ANXA9: variants seen among roughly 807,000 people sequenced by gnomAD.
The protein encoded by ANXA9 is annexin A9, also known as annexin 31.
Under a neutral mutation model 51.8 loss-of-function variants are expected in ANXA9, and 47 were observed. The observed-to-expected ratio is 0.91, with a 90% CI of 0.72 to 1.16. The LOEUF (loss-of-function observed/expected upper bound fraction) is 1.16, where lower values mean the gene tolerates loss of function less well. Among genes scored for constraint, ANXA9 ranks in the 50% most tolerant of loss-of-function variants. The pLI, the probability that ANXA9 is intolerant of heterozygous loss-of-function variation, is 0.00. For synonymous variants in ANXA9, 154 were observed against 168.7 expected, an observed-to-expected ratio of 0.91 and a Z score of 0.68; for missense variants, 361 against 424.7, an observed-to-expected ratio of 0.85 and a Z score of 1.32.
intron 7 of ANXA9, among the ~76,000 whole-genome samples, chr1:150,985,026 ATGG>A (rs1244884698): frequency 6.6e-6 from 1 of 152,012 alleles, no homozygotes; most frequent in African/African-American, 2.4e-5. Context: ...CCAGCTGGTC[ATGG>A]TGGTGTGCGC....
rs1357365660 is a variant in ANXA9 at position 150,983,366 on chromosome 1, T to G, written c.104T>G (p.Leu35Arg). The change falls in exon 4 of 14, where the codon CTC (leucine) becomes CGC (arginine). Residue 35 changes from leucine (L) to arginine (R), a missense_variant. Leu to Arg is a moderately radical substitution (Grantham distance 102, BLOSUM62 -2). Coordinates refer to ENST00000368947, the MANE Select transcript of ANXA9 (RefSeq NM_003568.3). ...GCAGCGTGGGGGACCCTGGGCACCC[T>G]CAGGACCTTCTTGAACTTCAGCGTG... is the stretch of plus-strand genomic sequence containing the variant. The part of the protein sequence containing the change: ...KTAAWGTLGT[L>R]RTFLNFSVDK... 1.2e-6 allele frequency: 2 copies of G among 1,614,092 alleles called. No individual in the cohort carries two copies. Among genetic ancestry groups the G allele is most frequent in the Non-Finnish European group, 1.7e-6 (2 of 1,179,976 alleles).
chr1:150,982,757 C>A lies in ANXA9; in HGVS notation c.-17+174C>A, dbSNP rs115762264. ...CAGGCCCAGGAAGGAGGGCCATAGA[C>A]CTCAGAAGGGAGGCATCTACCGCGG... is the stretch of plus-strand genomic sequence containing the variant. On this transcript the variant is annotated intron_variant, in intron 2 of 13. Coordinates refer to ENST00000368947, the MANE Select transcript of ANXA9 (RefSeq NM_003568.3). Among the ~76,000 whole-genome samples, 612 of 152,264 alleles carry A rather than the reference C, an allele frequency of 4.0e-3. 1 individual carries two copies. Among genetic ancestry groups the A allele is most frequent in the African/African-American group, 0.013 (552 of 41,562 alleles).
intron 12 of ANXA9, among the ~76,000 whole-genome samples, chr1:150,990,916 G>A (rs1017427170): frequency 2.6e-5 from 4 of 152,034 alleles, no homozygotes; most frequent in Admixed American, 6.6e-5. Flanking sequence ...AGGCCAAGGC[G>A]GGCGGATCAC....
At chr1:150,978,406 G>A (rs1302823569), upstream of ANXA9, among the ~76,000 whole-genome samples, 1 of 152,102 alleles carries the variant, frequency 6.6e-6, no homozygotes, top group East Asian at 1.9e-4. Context: ...CTCCAGCCTG[G>A]GTGACAGAGT....
At chr1:150,978,452 A>G (rs1453457724), upstream of ANXA9, among the ~76,000 whole-genome samples, 1 of 152,122 alleles carries the variant, frequency 6.6e-6, no homozygotes, top group Admixed American at 6.5e-5. Context: ...AATAAAAGCA[A>G]TGTGGGACTT....
In ANXA9 at chr1:150,993,319, C is replaced by CT. The variant is rs71580350; in HGVS notation, c.853-1249dup. Reference sequence around the variant, plus strand: ...GTACCTGTGTTATTTCTTTTCTTTTCTTTTTTTTTGAGACGGAGTCTTGCT... The same window carrying CT: ...GTACCTGTGTTATTTCTTTTCTTTTCTTTTTTTTTTGAGACGGAGTCTTGCT... On this transcript the variant is annotated intron_variant, in intron 12 of 13. Transcript: ENST00000368947. Among the ~76,000 whole-genome samples, 484 of 150,692 alleles carry CT rather than the reference C, an allele frequency of 3.2e-3. 1 individual carries two copies. The highest frequency in any genetic ancestry group is 5.8e-3 in the Non-Finnish European group (390 of 67,542).
At chr1:150,993,854 C>T (rs1291736670) in intron 12 of ANXA9, among the ~76,000 whole-genome samples, 4 of 151,568 alleles carry the variant, frequency 2.6e-5, no homozygotes, top group African/African-American at 7.3e-5. Flanking sequence ...AGGCTGGTCT[C>T]GAACTCCTAC....
chr1:150,984,821 C>G (rs1671508769), intron 7 of ANXA9, 145 bp downstream of exon 7: 1 of 628,942 alleles, frequency 1.6e-6, no homozygotes, highest in Non-Finnish European at 2.7e-6. Flanking sequence ...CTTGCCCCCA[C>G]CAGTGCCTCA....
At chr1:150,984,241 CT>C (rs1305076151) in intron 5 of ANXA9, 39 bp from the exon 6 acceptor site, 1 of 1,595,414 alleles carries the variant, frequency 6.3e-7, no homozygotes. Context: ...GGCCCTTCCC[CT>C]CACCCCCGTC....
At chr1:150,985,779 G>A (rs1390494822) in intron 7 of ANXA9, among the ~76,000 whole-genome samples, 1 of 152,040 alleles carries the variant, frequency 6.6e-6, no homozygotes, top group Non-Finnish European at 1.5e-5. Flanking sequence ...TGTTGTCCAG[G>A]CTGGTCTCGA....
At chr1:150,981,771 C>T (rs909249485), upstream of ANXA9, among the ~76,000 whole-genome samples, 2 of 152,246 alleles carry the variant, frequency 1.3e-5, no homozygotes, top group African/African-American at 4.8e-5. Flanking sequence ...CCTGGGCACT[C>T]TCCACCTAGG....
intron 12 of ANXA9, among the ~76,000 whole-genome samples, chr1:150,992,129 T>G (rs147701313): frequency 6.6e-6 from 1 of 152,204 alleles, no homozygotes; most frequent in Non-Finnish European, 1.5e-5. Flanking sequence ...AGAATATTTA[T>G]TCAGAAAAAC....
At chr1:150,979,237 A>C (rs1671378087), upstream of ANXA9, among the ~76,000 whole-genome samples, 1 of 151,626 alleles carries the variant, frequency 6.6e-6, no homozygotes, top group Non-Finnish European at 1.5e-5. Context: ...GACTTCTCCA[A>C]ATTCAGAGTT....
rs1330511753 is a variant in ANXA9, at chr1:150,987,896, A to G, written c.637A>G (p.Ser213Gly). ...GGCACTGCAGCGGGCAGAAGGACCT[A>G]GCAGAGAGGAAACATGGGTCCCAGT... Reference protein sequence around the residue: ...VQALQRAEGPSREETWVPVFT... With the variant: ...VQALQRAEGPGREETWVPVFT... The change falls in exon 10 of 14, where the codon AGC becomes GGC. Residue 213 changes from serine to glycine, a missense_variant. Physicochemically the swap from Ser to Gly is moderately conservative, Grantham distance 56. Coordinates refer to ENST00000368947, the MANE Select transcript of ANXA9 (RefSeq NM_003568.3). 1.2e-6 allele frequency: 2 copies of G among 1,614,114 alleles called. No individual in the cohort carries two copies.
intron 9 of ANXA9, 88 bp downstream of exon 9, chr1:150,986,749 C>A: frequency 7.4e-7 from 1 of 1,351,020 alleles, no homozygotes; most frequent in Non-Finnish European, 1.0e-6. Flanking sequence ...ACCTACGTGC[C>A]CATTTTTCCC....
chr1:150,987,982 T>TA (rs1308949165), intron 10 of ANXA9, 26 bp downstream of exon 10: 1 of 1,613,828 alleles, frequency 6.2e-7, no homozygotes, highest in Admixed American at 1.7e-5. Context: ...CTTGTCCCCC[T>TA]AGCTTGCTCT....
At chr1:150,979,489 T>A (rs1417378354), upstream of ANXA9, among the ~76,000 whole-genome samples, 2 of 152,186 alleles carry the variant, frequency 1.3e-5, no homozygotes, top group Non-Finnish European at 2.9e-5. Flanking sequence ...GGGGCTCCCC[T>A]GAGTAGGTAT....
chr1:150,983,292 A>G, intron 3 of ANXA9, 46 bp from the exon 4 acceptor site: 1 of 1,605,398 alleles, frequency 6.2e-7, no homozygotes. Context: ...GAGGAGGTGT[A>G]GGCAGCCTGG....
At position 150,995,407 on chromosome 1, in the gene ANXA9, A is replaced by C. The variant is rs984048339; in HGVS notation, c.*85A>C. ...ACCTGGGAGACCAGCTGGGCCTCCA[A>C]GTAGGATAACCCCTCACTGAGCACC... On this transcript the variant is annotated 3_prime_UTR_variant, in exon 14 of 14. Transcript: ENST00000368947. 3.8e-6 allele frequency: 5 copies of C among 1,326,824 alleles called. No homozygotes were observed. The highest frequency in any genetic ancestry group is 2.8e-5 in the South Asian group (2 of 72,578). The allele number at this position is 1,326,824 out of a possible 1,614,324, so 82.2% of individuals were successfully genotyped here.
Sources: gnomAD v4.1 joint callset for allele counts (sites outside exome capture counted in the v4.1 genomes callset) on GRCh38, gnomAD v4.1.1 for gene constraint, MANE v1.5 for transcripts, NCBI Gene and HGNC (gene_info 2026-07-23, HGNC 2026-07-21) for gene names.